CDH10: variants seen among roughly 807,000 people sequenced by gnomAD.
The protein encoded by CDH10 is cadherin 10, also known as cadherin-10.
In CDH10, 30 loss-of-function variants were observed where a neutral mutation model predicts 73.1. The ratio of observed to expected loss-of-function variants is 0.41; its 90% CI spans 0.31 to 0.56. The LOEUF is 0.56. Ranked by LOEUF, CDH10 falls within the 20% of genes least tolerant of loss-of-function variation. The pLI, the probability that CDH10 is intolerant of heterozygous loss-of-function variation, is 0.27. For missense variants in CDH10, 815 were observed against 973.7 expected, an observed-to-expected ratio of 0.84 and a Z score of 2.17; for synonymous variants, 345 against 348.2, an observed-to-expected ratio of 0.99 and a Z score of 0.10.
chr5:24,627,750 T>C (rs970266263), intron 1 of CDH10, among the ~76,000 whole-genome samples: 16 of 152,164 alleles, frequency 1.1e-4, no homozygotes, highest in African/African-American at 3.9e-4. Context: ...CTATCCTTTA[T>C]TTATTTGCTT....
At chr5:24,540,403 T>A (rs1744109090) in intron 2 of CDH10, among the ~76,000 whole-genome samples, 1 of 151,964 alleles carries the variant, frequency 6.6e-6, no homozygotes, top group Non-Finnish European at 1.5e-5. Context: ...GATTTTAATT[T>A]TTAGAAAGCT....
At position 24,524,789 on chromosome 5, in the gene CDH10, C is replaced by T. The variant is rs1743466308; in HGVS notation, c.814+10323G>A. Among the ~76,000 whole-genome samples, 3 of 152,034 alleles carry T rather than the reference C, an allele frequency of 2.0e-5. No homozygotes were observed. The South Asian group carries it at 6.2e-4, about 32-fold the overall frequency. On this transcript the variant is annotated intron_variant, in intron 5 of 11. Coordinates refer to ENST00000264463, the MANE Select transcript of CDH10 (RefSeq NM_006727.5). ...GAAGGTAACATCGCAAAGAAAGCTT[C>T]CTAAGGACTGAGCAAAATGTGGGGC...
Position 24,537,527 on chromosome 5 carries a change from G to T in CDH10, c.379C>A (p.Leu127Ile). ...CTTCTGTTAATAGCTTGTGCGCGTA[G>T]AGTATAAAAGGCCTTTTCCTCCCTA... ...IDREEKAFYT[L>I]RAQAINRRTL... is the part of the protein sequence containing the mutation. Residue 127 changes from leucine to isoleucine, a missense_variant, in exon 3 of 12, where the codon CTA (leucine) becomes ATA (isoleucine). By Grantham distance (5) the Leu-to-Ile change is conservative (BLOSUM62 2). Coordinates refer to ENST00000264463, the MANE Select transcript of CDH10 (RefSeq NM_006727.5). 1 of 1,613,316 alleles carries T rather than the reference G, an allele frequency of 6.2e-7. No homozygotes were observed. Among genetic ancestry groups the T allele is most frequent in the Non-Finnish European group, 8.5e-7 (1 of 1,179,516 alleles).
intron 5 of CDH10, among the ~76,000 whole-genome samples, 183 bp downstream of exon 5, chr5:24,534,929 T>A (rs1023552887): frequency 6.6e-6 from 1 of 152,120 alleles, no homozygotes; most frequent in Non-Finnish European, 1.5e-5. Context: ...AATATTCAAT[T>A]TTATCTTTTA....
chr5:24,550,449 C>G (rs760230185), intron 2 of CDH10, among the ~76,000 whole-genome samples: 4 of 152,004 alleles, frequency 2.6e-5, no homozygotes, highest in Admixed American at 2.0e-4. Flanking sequence ...GAAAACAAAA[C>G]AAGGAAATAC....
In CDH10 at chr5:24,487,621, T is replaced by TAG. The variant is rs766187920; in HGVS notation, c.*40_*41dup. 2 of 1,551,054 alleles carry TAG rather than the reference T, an allele frequency of 1.3e-6. No individual in the cohort carries two copies. The highest frequency in any genetic ancestry group is 3.8e-5 in the Admixed American group (2 of 52,768). On this transcript the variant is annotated 3_prime_UTR_variant, in exon 12 of 12. Coordinates refer to ENST00000264463, the MANE Select transcript of CDH10 (RefSeq NM_006727.5). ...TATTGTGAAGTGGAGACAGCATGGGTAGAGTTACTTTCTCTTGTTTGAACA... is the reference window on the plus strand; with the variant it reads ...TATTGTGAAGTGGAGACAGCATGGGTAGAGAGTTACTTTCTCTTGTTTGAACA...
intron 2 of CDH10, among the ~76,000 whole-genome samples, chr5:24,572,664 G>C (rs1745430411): frequency 1.3e-5 from 2 of 151,976 alleles, no homozygotes; most frequent in Admixed American, 1.3e-4. Flanking sequence ...GAGTAGAATC[G>C]TATTTTCAGG....
At chr5:24,630,881 T>C (rs1747681536) in intron 1 of CDH10, among the ~76,000 whole-genome samples, 1 of 151,976 alleles carries the variant, frequency 6.6e-6, no homozygotes, top group Non-Finnish European at 1.5e-5. Context: ...CAAAAAAAAA[T>C]ACTCTGCCAA....
At chr5:24,552,248 T>C (rs1000087877) in intron 2 of CDH10, among the ~76,000 whole-genome samples, 60 of 152,076 alleles carry the variant, frequency 3.9e-4, no homozygotes, top group Admixed American at 1.2e-3. Context: ...TCTAGAGATA[T>C]TGTGCTATTA....
chr5:24,601,007 A>C (rs897646880), intron 1 of CDH10, among the ~76,000 whole-genome samples: 4 of 152,112 alleles, frequency 2.6e-5, no homozygotes, highest in African/African-American at 9.7e-5. Flanking sequence ...AAAATAAAAG[A>C]AGAAAGAAAA....
chr5:24,579,058 G>T (rs7447903), intron 2 of CDH10, among the ~76,000 whole-genome samples: 9,995 of 151,652 alleles, frequency 0.066, 382 homozygotes, highest in Middle Eastern at 0.12. Context: ...TAATCACTCA[G>T]GTTAATTTAC....
intron 8 of CDH10, among the ~76,000 whole-genome samples, chr5:24,499,901 T>C (rs189575835): frequency 3.2e-4 from 48 of 152,268 alleles, no homozygotes; most frequent in South Asian, 2.5e-3. Flanking sequence ...ATGATATCAA[T>C]ATCTCAGTCT....
intron 1 of CDH10, among the ~76,000 whole-genome samples, chr5:24,602,749 T>C (rs995164871): frequency 6.6e-6 from 1 of 152,168 alleles, no homozygotes; most frequent in Admixed American, 6.5e-5. Flanking sequence ...AATCTAGGAA[T>C]GTGCAGTAGT....
chr5:24,632,024 G>A (rs746483755), intron 1 of CDH10, among the ~76,000 whole-genome samples: 1 of 151,988 alleles, frequency 6.6e-6, no homozygotes. Flanking sequence ...GTTCAAAAAT[G>A]GTCCCAGGGT....
intron 2 of CDH10, among the ~76,000 whole-genome samples, chr5:24,567,471 G>A (rs915081998): frequency 4.0e-5 from 6 of 151,500 alleles, no homozygotes; most frequent in Non-Finnish European, 5.9e-5. Flanking sequence ...CAATAAACAG[G>A]AATGAACCAC....
chr5:24,532,021 C>T (rs1304403610), intron 5 of CDH10, among the ~76,000 whole-genome samples: 1 of 151,900 alleles, frequency 6.6e-6, no homozygotes. Context: ...GGGACATTGC[C>T]AAATGTCCAG....
chr5:24,535,408 G>T, intron 4 of CDH10, 129 bp from the exon 5 acceptor site: 1 of 859,620 alleles, frequency 1.2e-6, no homozygotes, highest in Non-Finnish European at 1.8e-6. Flanking sequence ...CGTTTTTATT[G>T]TCTAGAAATT....
intron 2 of CDH10, among the ~76,000 whole-genome samples, chr5:24,540,624 G>A (rs983173789): frequency 1.6e-4 from 25 of 151,814 alleles, no homozygotes; most frequent in African/African-American, 5.8e-4. Context: ...CTTCACCAAT[G>A]GGAATATAAT....
intron 1 of CDH10, among the ~76,000 whole-genome samples, chr5:24,614,196 G>A (rs368753134): frequency 1.3e-5 from 2 of 152,228 alleles, no homozygotes; most frequent in South Asian, 2.1e-4. Flanking sequence ...CTATTGATAG[G>A]AAAAACTCTG....
Sources: allele counts gnomAD v4.1 joint callset (sites outside exome capture counted in the v4.1 genomes callset), GRCh38; gene constraint gnomAD v4.1.1; transcripts MANE v1.5; gene names NCBI Gene and HGNC (gene_info 2026-07-23, HGNC 2026-07-21).